OTOG: variants seen among roughly 807,000 people sequenced by gnomAD.
OTOG encodes the protein otogelin.
OTOG carries 296 observed loss-of-function variants against 313.8 expected under a neutral mutation model. The observed-to-expected ratio is 0.94, with a 90% CI of 0.86 to 1.04. OTOG has a LOEUF of 1.04. Among genes scored for constraint, OTOG ranks in the 50% least tolerant of loss-of-function variants. OTOG has a pLI of 0.00. For missense variants in OTOG, 3,948 were observed against 3,840.1 expected (o/e 1.03, Z -0.74); for synonymous variants, 1,533 against 1,554.9 (o/e 0.99, Z 0.33).
At chr11:17,616,780 A>G (rs1590046067) in intron 39 of OTOG, among the ~76,000 whole-genome samples, 1 of 152,224 alleles carries the variant, frequency 6.6e-6, no homozygotes, top group African/African-American at 2.4e-5. Context: ...GTTTTTCTAC[A>G]TAGACAATTA....
chr11:17,630,966 C>T (rs914973962), intron 40 of OTOG, among the ~76,000 whole-genome samples: 2 of 152,198 alleles, frequency 1.3e-5, no homozygotes, highest in Non-Finnish European at 2.9e-5. Flanking sequence ...AAATGGATAG[C>T]AATGATTCAG....
At chr11:17,567,549 T>A (rs1852314299) in intron 15 of OTOG, among the ~76,000 whole-genome samples, 1 of 152,254 alleles carries the variant, frequency 6.6e-6, no homozygotes, top group South Asian at 2.1e-4. Flanking sequence ...CTCTGTATGT[T>A]GAGCAGGCTG....
In OTOG at chr11:17,586,494, C is replaced by T. The variant is rs764211678; in HGVS notation, c.2780C>T (p.Ala927Val). ...CPQGLLRHGD[A>V]CFLPEECPCT... ...TACAGTCTGCTCAGACACGGGGATGCATGTTTCCTGCCAGAGGAGTGCCCC... is the reference window on the plus strand; with the variant it reads ...TACAGTCTGCTCAGACACGGGGATGTATGTTTCCTGCCAGAGGAGTGCCCC... The change falls in exon 24 of 56, where the codon GCA becomes GTA. Residue 927 changes from alanine (A) to valine (V), a missense_variant. Coordinates refer to ENST00000399397, the MANE Select transcript of OTOG (RefSeq NM_001292063.2). The T allele has an allele frequency of 6.2e-6, 9 of 1,442,554 alleles. No individual in the cohort carries two copies. The highest frequency in any genetic ancestry group is 8.2e-6 in the Non-Finnish European group (9 of 1,093,376). 89.4% of individuals were successfully genotyped at this position (1,442,554 alleles called of 1,614,324 possible). A position where few individuals can be genotyped will look rare whatever the true frequency, so the allele number is the denominator to read the frequency against.
In OTOG at chr11:17,559,073, C is replaced by G. The variant is rs897534989; in HGVS notation, c.1125C>G (p.Thr375=). Residue 375 remains threonine (T), a synonymous_variant, in exon 11 of 56, where the codon ACC becomes ACG. Coordinates refer to ENST00000399397, the MANE Select transcript of OTOG (RefSeq NM_001292063.2). Reference sequence around the variant, plus strand: ...ACAGATCAATGGGTGATGTAGCCACCTGGTGCCGGGCACTGGCGGAGTATG... The same window carrying G: ...ACAGATCAATGGGTGATGTAGCCACGTGGTGCCGGGCACTGGCGGAGTATG... ...DLCQSMGDVA[T]WCRALAEYAR... 1.2e-5 allele frequency: 19 copies of G among 1,547,994 alleles called. No homozygotes were observed. Among genetic ancestry groups the G allele is most frequent in the Middle Eastern group, 1.7e-4 (1 of 6,014 alleles).
Position 17,611,043 on chromosome 11 carries a change from A to C in OTOG, c.5743A>C (p.Lys1915Gln), listed in dbSNP as rs1339656751. The change falls in exon 36 of 56, where the codon AAG (lysine) becomes CAG (glutamine). Residue 1915 changes from lysine to glutamine, a missense_variant. Transcript: ENST00000399397. ...CACAGGGAAGGTGGCCATCCTATCC[A>C]AGCAAGTGTCTCTGCCCACTTCCAT... The part of the protein sequence containing the change: ...STTGKVAILS[K>Q]QVSLPTSMYG... 3 of 1,550,482 alleles carry C rather than the reference A, an allele frequency of 1.9e-6. No individual in the cohort carries two copies. The highest frequency in any genetic ancestry group is 2.6e-6 in the Non-Finnish European group (3 of 1,147,032).
chr11:17,593,695 A>ACATCACC lies in OTOG; in HGVS notation c.3229_3235dup (p.Leu1079HisfsTer31), dbSNP rs1853011933. The ACATCACC allele has an allele frequency of 6.5e-7, 1 of 1,548,888 alleles. No homozygotes were observed. Among genetic ancestry groups the ACATCACC allele is most frequent in the African/African-American group, 1.4e-5 (1 of 72,988 alleles). ...ACACTGGTGCATTTCCCACAGGAGCACATCACCCTCTTGTGGGACCAGAGA... is the reference window on the plus strand; with the variant it reads ...ACACTGGTGCATTTCCCACAGGAGCACATCACCCATCACCCTCTTGTGGGACCAGAGA... On this transcript the variant is annotated frameshift_variant, in exon 27 of 56. Coordinates refer to ENST00000399397, the MANE Select transcript of OTOG (RefSeq NM_001292063.2). LOFTEE classifies it high-confidence loss of function.
At chr11:17,551,724 G>A (rs1377734988) in intron 3 of OTOG, among the ~76,000 whole-genome samples, 1 of 152,140 alleles carries the variant, frequency 6.6e-6, no homozygotes, top group Non-Finnish European at 1.5e-5. Context: ...TGGAGGGGAG[G>A]GGCTGTGTTC....
chr11:17,576,686 T>C, intron 21 of OTOG, 56 bp downstream of exon 21: 1 of 1,492,078 alleles, frequency 6.7e-7, no homozygotes, highest in Non-Finnish European at 9.1e-7. Flanking sequence ...GGCTGCTGAC[T>C]GAAGACAGTG....
intron 39 of OTOG, 82 bp from the exon 40 acceptor site, chr11:17,629,039 GATGGATGGATGA>G: frequency 1.6e-6 from 2 of 1,247,290 alleles, no homozygotes. Flanking sequence ...TGGGTGGATG[GATGGATGGATGA>G]ATGGATGGAC....
At position 17,558,263 on chromosome 11, in the gene OTOG, C is replaced by A. The variant is rs890004704; in HGVS notation, c.944C>A (p.Thr315Asn). The A allele has an allele frequency of 1.3e-6, 2 of 1,550,564 alleles. No homozygotes were observed. The highest frequency in any genetic ancestry group is 2.7e-5 in the African/African-American group (2 of 73,018). ...CCTAACCAGCCTCCAGGGCCCACAA[C>A]TTCCTCCCTGCCTCGCCCACCGTGC... ...QAPNQPPGPT[T>N]SSLPRPPCLQ... Residue 315 changes from threonine (T) to asparagine (N), a missense_variant, in exon 9 of 56, where the codon ACT (threonine) becomes AAT (asparagine). Transcript: ENST00000399397.
chr11:17,560,562 A>G, intron 12 of OTOG, 147 bp from the exon 13 acceptor site: 1 of 645,064 alleles, frequency 1.6e-6, no homozygotes, highest in Non-Finnish European at 2.7e-6. Context: ...GGCCTGAGCC[A>G]AGGATTTATA....
rs1565129771 is a variant in OTOG, at chr11:17,638,515, G to A, written c.7860G>A (p.Trp2620Ter). 3.2e-6 allele frequency: 5 copies of A among 1,550,446 alleles called. No individual in the cohort carries two copies. Among genetic ancestry groups the A allele is most frequent in the Non-Finnish European group, 4.4e-6 (5 of 1,147,004 alleles). Residue 2620 changes from tryptophan to a stop codon, truncating the protein, a stop_gained, in exon 48 of 56, where the codon TGG becomes TGA. Coordinates refer to ENST00000399397, the MANE Select transcript of OTOG (RefSeq NM_001292063.2). LOFTEE classifies it high-confidence loss of function. ...CGLGTALVEV[W>*]SPDRCCPYKS... ...TGGGCACTGCCCTGGTGGAGGTGTGGAGCCCCGACCGCTGCTGCCCCTACA... is the reference window on the plus strand; with the variant it reads ...TGGGCACTGCCCTGGTGGAGGTGTGAAGCCCCGACCGCTGCTGCCCCTACA...
At chr11:17,582,177 G>T (rs995898401) in intron 23 of OTOG, among the ~76,000 whole-genome samples, 3 of 152,142 alleles carry the variant, frequency 2.0e-5, no homozygotes, top group Non-Finnish European at 4.4e-5. Context: ...CACCAACAAA[G>T]TTTCCCTCAT....
chr11:17,585,984 C>T (rs900557927), intron 23 of OTOG, among the ~76,000 whole-genome samples: 4 of 152,176 alleles, frequency 2.6e-5, no homozygotes, highest in African/African-American at 9.7e-5. Flanking sequence ...GATGCTATGG[C>T]CTGAGATCTT....
At chr11:17,575,411 T>G (rs879529659) in intron 20 of OTOG, among the ~76,000 whole-genome samples, 6 of 152,148 alleles carry the variant, frequency 3.9e-5, no homozygotes, top group Non-Finnish European at 8.8e-5. Context: ...GGTGTGTTAC[T>G]TGAGGTGGGC....
At chr11:17,642,477 A>G in intron 53 of OTOG, among the ~76,000 whole-genome samples, 1 of 152,076 alleles carries the variant, frequency 6.6e-6, no homozygotes, top group East Asian at 1.9e-4. Context: ...ACAAACACAC[A>G]CTGTTACATG....
At chr11:17,587,166 T>A (rs1005619758) in intron 24 of OTOG, among the ~76,000 whole-genome samples, 7 of 152,226 alleles carry the variant, frequency 4.6e-5, no homozygotes, top group Non-Finnish European at 8.8e-5. Flanking sequence ...TGTGAATAGG[T>A]ACATTCTTGT....
chr11:17,555,211 G>GTA (rs1554968048), intron 6 of OTOG, among the ~76,000 whole-genome samples: 5 of 148,520 alleles, frequency 3.4e-5, no homozygotes, highest in African/African-American at 1.3e-4. Context: ...GCAGAGATGT[G>GTA]TGTGTGTGTG....
At chr11:17,563,754 C>G (rs1224900283) in intron 15 of OTOG, among the ~76,000 whole-genome samples, 1 of 151,912 alleles carries the variant, frequency 6.6e-6, no homozygotes, top group Non-Finnish European at 1.5e-5. Flanking sequence ...AATCTCAGCT[C>G]ACTGCAGCCT....
Sources: gnomAD v4.1 joint callset for allele counts (sites outside exome capture counted in the v4.1 genomes callset) on GRCh38, gnomAD v4.1.1 for gene constraint, MANE v1.5 for transcripts, NCBI Gene and HGNC (gene_info 2026-07-23, HGNC 2026-07-21) for gene names.